CYP27A1: variants seen among roughly 807,000 people sequenced by gnomAD.
CYP27A1 encodes the protein cytochrome P450 family 27 subfamily A member 1.
A neutral mutation model predicts 58.2 loss-of-function variants in CYP27A1; 46 were observed. The ratio of observed to expected loss-of-function variants is 0.79; its 90% CI spans 0.62 to 1.01. The LOEUF (loss-of-function observed/expected upper bound fraction) is 1.01, where lower values mean the gene tolerates loss of function less well. CYP27A1 is among the 50% of genes least tolerant of loss of function. The pLI, the probability that CYP27A1 is intolerant of heterozygous loss-of-function variation, is 0.00. For missense variants in CYP27A1, 704 were observed against 687.0 expected (o/e 1.02, Z -0.28); for synonymous variants, 274 against 285.1 (o/e 0.96, Z 0.39).
intron 2 of CYP27A1, among the ~76,000 whole-genome samples, chr2:218,810,964 G>A (rs554480885): frequency 2.4e-4 from 36 of 152,166 alleles, no homozygotes; most frequent in Admixed American, 4.6e-4. Context: ...TGGCTAACAC[G>A]GTGAAACCCC....
Position 218,782,402 on chromosome 2 carries a change from G to A in CYP27A1, c.220G>A (p.Val74Ile), listed in dbSNP as rs534844099. 3 of 1,614,202 alleles carry A rather than the reference G, an allele frequency of 1.9e-6. No homozygotes were observed. Among genetic ancestry groups the A allele is most frequent in the Non-Finnish European group, 2.5e-6 (3 of 1,180,018 alleles). ...GCTGCGCTTCTTCTTTCAGCTGTTCGTTCAAGGCTATGCCCTGCAACTGCA... is the reference window on the plus strand; with the variant it reads ...GCTGCGCTTCTTCTTTCAGCTGTTCATTCAAGGCTATGCCCTGCAACTGCA... ...GQLRFFFQLF[V>I]QGYALQLHQL... is the part of the protein sequence containing the mutation. The change falls in exon 1 of 9, where the codon GTT (valine) becomes ATT (isoleucine). Residue 74 changes from valine to isoleucine, a missense_variant. Transcript: ENST00000258415. This position sits in a 1 kb window ranked among gnomAD's most constrained non-coding sequence, Gnocchi z 4.1.
Position 218,790,081 on chromosome 2 carries a change from A to G in CYP27A1, c.255+7644A>G, listed in dbSNP as rs568006515. 2.6e-5 allele frequency among the ~76,000 whole-genome samples: 4 copies of G among 152,372 alleles called. No individual in the cohort carries two copies. The South Asian group carries it at 8.3e-4, about 32-fold the overall frequency. ...GCTTAGTCGAAAACAATGGCCTCCC[A>G]TAATTTGTTTCCAATTTCTCCTCTT... On this transcript the variant is annotated intron_variant, in intron 1 of 8. Transcript: ENST00000258415.
chr2:218,795,421 A>ACC (rs1943538835), intron 1 of CYP27A1, among the ~76,000 whole-genome samples: 1 of 152,178 alleles, frequency 6.6e-6, no homozygotes, highest in Non-Finnish European at 1.5e-5. Flanking sequence ...ATGTCTTGTG[A>ACC]CACACCCAGA....
intron 1 of CYP27A1, among the ~76,000 whole-genome samples, chr2:218,800,913 CTT>C (rs748451143): frequency 1.3e-5 from 2 of 152,136 alleles, no homozygotes; most frequent in Admixed American, 6.5e-5. Context: ...AATAAACACA[CTT>C]ATATAACAAT....
chr2:218,799,225 G>A (rs1294432799), intron 1 of CYP27A1, among the ~76,000 whole-genome samples: 1 of 151,870 alleles, frequency 6.6e-6, no homozygotes, highest in Non-Finnish European at 1.5e-5. Flanking sequence ...CTTCCCCCAA[G>A]CCTCTTTATG....
chr2:218,802,067 A>G (rs531235243), intron 1 of CYP27A1, among the ~76,000 whole-genome samples: 10 of 151,016 alleles, frequency 6.6e-5, no homozygotes, highest in Non-Finnish European at 1.3e-4. Flanking sequence ...TTTCTCCCCA[A>G]ATAATCAACT....
chr2:218,790,775 G>A (rs1943484990), intron 1 of CYP27A1, among the ~76,000 whole-genome samples: 1 of 151,566 alleles, frequency 6.6e-6, no homozygotes, highest in Non-Finnish European at 1.5e-5. Flanking sequence ...TCGGCTCACT[G>A]CAAGCTCCAC....
At chr2:218,790,868 T>G (rs943218529) in intron 1 of CYP27A1, among the ~76,000 whole-genome samples, 31 of 152,138 alleles carry the variant, frequency 2.0e-4, no homozygotes, top group Admixed American at 5.2e-4. Context: ...CGGCTATATT[T>G]TTTTTTGTAT....
intron 1 of CYP27A1, among the ~76,000 whole-genome samples, chr2:218,795,381 G>A (rs1017395854): frequency 6.6e-6 from 1 of 152,146 alleles, no homozygotes; most frequent in Admixed American, 6.5e-5. Context: ...CTGTGGAATC[G>A]AGTCCTCCTG....
chr2:218,813,946 C>G, intron 5 of CYP27A1, 75 bp from the exon 6 acceptor site: 1 of 1,534,820 alleles, frequency 6.5e-7, no homozygotes, highest in South Asian at 1.1e-5. Flanking sequence ...TTGCATACAC[C>G]CACTCATACA....
chr2:218,813,613 A>G (rs1261335473), intron 5 of CYP27A1, among the ~76,000 whole-genome samples: 1 of 151,882 alleles, frequency 6.6e-6, no homozygotes, highest in African/African-American at 2.4e-5. Context: ...AAATTTTAGT[A>G]GAGACGGGGG....
chr2:218,797,958 A>G (rs528819673), intron 1 of CYP27A1, among the ~76,000 whole-genome samples: 18 of 152,312 alleles, frequency 1.2e-4, no homozygotes, highest in African/African-American at 4.3e-4. Flanking sequence ...ATCTAATTTA[A>G]AACAATCTTT....
At position 218,814,105 on chromosome 2, in the gene CYP27A1, G is replaced by A. The variant is rs145722193; in HGVS notation, c.1102G>A (p.Val368Met). 2 of 1,614,152 alleles carry A rather than the reference G, an allele frequency of 1.2e-6. No individual in the cohort carries two copies. The highest frequency in any genetic ancestry group is 1.7e-6 in the Non-Finnish European group (2 of 1,180,048). The change falls in exon 6 of 9, where the codon GTG becomes ATG. Residue 368 changes from valine (V) to methionine (M), a missense_variant. Val to Met is a conservative substitution (Grantham distance 21). Coordinates refer to ENST00000258415, the MANE Select transcript of CYP27A1 (RefSeq NM_000784.4). The part of the protein sequence containing the change: ...QEALHEEVVG[V>M]VPAGQVPQHK... ...GGCCTTGCACGAGGAAGTGGTGGGT[G>A]TGGTGCCAGCCGGGCAAGTGCCCCA... is the stretch of plus-strand genomic sequence containing the variant.
chr2:218,783,517 T>C lies in CYP27A1; in HGVS notation c.255+1080T>C, dbSNP rs1329257176. On this transcript the variant is annotated intron_variant, in intron 1 of 8. Transcript: ENST00000258415. ...TATCTTCCTAATGACTATCAACAAA[T>C]ATGAATGCACCTACCATGTTCTAGG... Among the ~76,000 whole-genome samples the C allele has an allele frequency of 2.6e-5, 4 of 152,272 alleles. No homozygotes were observed. In the East Asian group the frequency reaches 5.8e-4, roughly 22 times the overall value.
intron 1 of CYP27A1, among the ~76,000 whole-genome samples, chr2:218,803,208 C>G (rs765127564): frequency 9.2e-5 from 14 of 152,176 alleles, no homozygotes; most frequent in South Asian, 2.1e-4. Context: ...ATCTGCCTGC[C>G]TTGGCCTCCC....
In CYP27A1 at chr2:218,812,226, G is replaced by A; in HGVS notation, c.451G>A (p.Gly151Arg). Residue 151 changes from glycine to arginine, a missense_variant, in exon 3 of 9, where the codon GGA becomes AGA. Physicochemically the swap from Gly to Arg is moderately radical, Grantham distance 125 (BLOSUM62 -2). Transcript: ENST00000258415. The part of the protein sequence containing the change: ...DLTYGPFTTE[G>R]HHWYQLRQAL... ...TGTTCCTCTGCGTCCCTGCAGGGAA[G>A]GACACCACTGGTACCAGCTGCGCCA... 6.2e-7 allele frequency: 1 copy of A among 1,613,940 alleles called. No homozygotes were observed. The highest frequency in any genetic ancestry group is 8.5e-7 in the Non-Finnish European group (1 of 1,179,890).
chr2:218,808,768 A>G (rs1373352476), intron 1 of CYP27A1, among the ~76,000 whole-genome samples: 1 of 151,880 alleles, frequency 6.6e-6, no homozygotes, highest in Non-Finnish European at 1.5e-5. Flanking sequence ...TTAAATTTTT[A>G]CCCCCCAAAA....
Position 218,814,108 on chromosome 2 carries a change from G to T in CYP27A1, c.1105G>T (p.Val369Leu), listed in dbSNP as rs747560600. ...CTTGCACGAGGAAGTGGTGGGTGTGGTGCCAGCCGGGCAAGTGCCCCAGCA... is the reference window on the plus strand; with the variant it reads ...CTTGCACGAGGAAGTGGTGGGTGTGTTGCCAGCCGGGCAAGTGCCCCAGCA... The part of the protein sequence containing the change: ...EALHEEVVGV[V>L]PAGQVPQHKD... Residue 369 changes from valine (V) to leucine (L), a missense_variant, in exon 6 of 9, where the codon GTG becomes TTG. Transcript: ENST00000258415. 2 of 1,614,246 alleles carry T rather than the reference G, an allele frequency of 1.2e-6. No individual in the cohort carries two copies. Among genetic ancestry groups the T allele is most frequent in the Admixed American group, 3.3e-5 (2 of 60,028 alleles).
rs1446891143 is a variant in CYP27A1, at chr2:218,814,955, G to A, written c.1521G>A (p.Glu507=). ...TGGTCCTGGCCCCGGAGACGGGGGA[G>A]TTGAAGAGTGTGGCCCGCATTGTCC... The part of the protein sequence containing the change: ...YKVVLAPETG[E]LKSVARIVLV... The change falls in exon 9 of 9, where the codon GAG becomes GAA. Residue 507 remains glutamate (E), a synonymous_variant. Coordinates refer to ENST00000258415, the MANE Select transcript of CYP27A1 (RefSeq NM_000784.4). 3 of 1,614,134 alleles carry A rather than the reference G, an allele frequency of 1.9e-6. No homozygotes were observed. In the African/African-American group the frequency reaches 4.0e-5, roughly 22 times the overall value.
Sources: allele counts gnomAD v4.1 joint callset (sites outside exome capture counted in the v4.1 genomes callset), GRCh38; gene constraint gnomAD v4.1.1; non-coding constraint Gnocchi (gnomAD v3.1); transcripts MANE v1.5; gene names NCBI Gene and HGNC (gene_info 2026-07-23, HGNC 2026-07-21).